NAALADL2: variants seen among roughly 807,000 people sequenced by gnomAD.
NAALADL2 encodes N-acetylated alpha-linked acidic dipeptidase like 2.
A neutral mutation model predicts 87.2 loss-of-function variants in NAALADL2; 76 were observed. The observed-to-expected ratio is 0.87, with a 90% CI of 0.72 to 1.05. The LOEUF is 1.05. Ranked by LOEUF, NAALADL2 falls within the 50% of genes least tolerant of loss-of-function variation. The probability of loss-of-function intolerance (pLI) is 0.00; values close to 1 mark genes in which losing one functional copy is unlikely to be tolerated. For missense variants in NAALADL2, 1,089 were observed against 945.8 expected (o/e 1.15, Z -1.99); for synonymous variants, 354 against 331.0 (o/e 1.07, Z -0.75).
chr3:174,852,509 A>G (rs1490246035), intron 3 of NAALADL2, among the ~76,000 whole-genome samples: 2 of 152,178 alleles, frequency 1.3e-5, no homozygotes, highest in African/African-American at 4.8e-5. Context: ...ACTTAACCAA[A>G]TAAGTGAAAT....
rs114904107 is a variant in NAALADL2, at chr3:174,695,233, G to A, written c.-114-42408G>A. ...AGACAGTCCTTAGTTATCATGTGTCGAGAGTCTATGTTAGAATTTTATGTA... is the reference window on the plus strand; with the variant it reads ...AGACAGTCCTTAGTTATCATGTGTCAAGAGTCTATGTTAGAATTTTATGTA... On this transcript the variant is annotated intron_variant, in intron 2 of 3. Transcript: ENST00000434257. Among the ~76,000 whole-genome samples, 802 of 152,020 alleles carry A rather than the reference G, an allele frequency of 5.3e-3. 5 individuals are homozygous for A. Among genetic ancestry groups the A allele is most frequent in the African/African-American group, 0.018 (742 of 41,512 alleles).
chr3:175,656,737 G>A (rs1731520680), intron 11 of NAALADL2, among the ~76,000 whole-genome samples: 2 of 150,876 alleles, frequency 1.3e-5, no homozygotes, highest in Admixed American at 6.6e-5. Flanking sequence ...GTGTGTGTGT[G>A]TATGTGTGTG....
chr3:175,662,491 A>T (rs1280810972), intron 11 of NAALADL2, among the ~76,000 whole-genome samples: 1 of 151,728 alleles, frequency 6.6e-6, no homozygotes, highest in Non-Finnish European at 1.5e-5. Context: ...TCTTTTTCTT[A>T]CCTAATTGCC....
intron 1 of NAALADL2, among the ~76,000 whole-genome samples, chr3:175,056,799 G>T (rs992028425): frequency 1.3e-5 from 2 of 152,204 alleles, no homozygotes; most frequent in Non-Finnish European, 2.9e-5. Flanking sequence ...ATATCCTTAA[G>T]GCACAGATCA....
chr3:175,429,736 A>C (rs1224817527), intron 5 of NAALADL2, among the ~76,000 whole-genome samples: 3 of 152,038 alleles, frequency 2.0e-5, no homozygotes, highest in African/African-American at 7.2e-5. Flanking sequence ...GAATACTATT[A>C]GAATTATGGA....
intron 2 of NAALADL2, among the ~76,000 whole-genome samples, chr3:174,592,252 TTTG>T (rs1305223304): frequency 6.6e-6 from 1 of 151,962 alleles, no homozygotes; most frequent in African/African-American, 2.4e-5. Flanking sequence ...CTTTTTTTAT[TTTG>T]TTATTATTAT....
At chr3:175,498,172 G>A (rs1421917814) in intron 9 of NAALADL2, among the ~76,000 whole-genome samples, 2 of 151,980 alleles carry the variant, frequency 1.3e-5, no homozygotes, top group Non-Finnish European at 2.9e-5. Flanking sequence ...GAATAAAAAC[G>A]AATGAAAGAA....
At chr3:175,337,573 C>A (rs1300798643) in intron 5 of NAALADL2, among the ~76,000 whole-genome samples, 1 of 151,984 alleles carries the variant, frequency 6.6e-6, no homozygotes, top group African/African-American at 2.4e-5. Flanking sequence ...CAGGAGAGAG[C>A]CCCAGAAAGA....
chr3:174,580,305 C>T (rs919173642), intron 2 of NAALADL2, among the ~76,000 whole-genome samples: 4 of 151,894 alleles, frequency 2.6e-5, no homozygotes, highest in African/African-American at 9.7e-5. Flanking sequence ...TGCTGTTGCT[C>T]TCATAATTAT....
chr3:175,713,492 G>A (rs1380526646), intron 11 of NAALADL2, among the ~76,000 whole-genome samples: 1 of 151,988 alleles, frequency 6.6e-6, no homozygotes, highest in Non-Finnish European at 1.5e-5. Context: ...TAGTGTGTCT[G>A]GGGAATTGGC....
At chr3:174,501,414 C>T (rs528947846) in intron 1 of NAALADL2, among the ~76,000 whole-genome samples, 60 of 152,232 alleles carry the variant, frequency 3.9e-4, no homozygotes, top group Non-Finnish European at 7.4e-4. Context: ...TAGGTTAATG[C>T]TGGCCACATA....
At chr3:175,459,010 C>A (rs73884413) in intron 6 of NAALADL2, among the ~76,000 whole-genome samples, 2,147 of 152,006 alleles carry the variant, frequency 0.014, 39 homozygotes, top group African/African-American at 0.048. Flanking sequence ...ACACATGTGC[C>A]CACACACACA....
At chr3:175,605,643 T>TATTTTTTTTTG (rs1553931374) in intron 10 of NAALADL2, among the ~76,000 whole-genome samples, 16 of 94,606 alleles carry the variant, frequency 1.7e-4, no homozygotes, top group African/African-American at 5.8e-4. Context: ...ATTGCTTGTT[T>TATTTTTTTTTG]TTTTTTTTTT....
intron 2 of NAALADL2, among the ~76,000 whole-genome samples, chr3:174,701,822 C>T (rs558268761): frequency 6.6e-6 from 1 of 152,150 alleles, no homozygotes; most frequent in Admixed American, 6.5e-5. Context: ...GGTATATCAC[C>T]ATTTGTTTAT....
intron 9 of NAALADL2, among the ~76,000 whole-genome samples, chr3:175,520,353 C>T (rs1732464614): frequency 7.4e-6 from 1 of 134,588 alleles, no homozygotes; most frequent in South Asian, 2.3e-4. Flanking sequence ...CTGCGGACTG[C>T]AGTGGTGCAA....
At chr3:175,367,103 T>G (rs921256879) in intron 5 of NAALADL2, among the ~76,000 whole-genome samples, 5 of 151,236 alleles carry the variant, frequency 3.3e-5, no homozygotes, top group Non-Finnish European at 5.9e-5. Context: ...CCAGCACCAT[T>G]TATTAAATAG....
chr3:175,225,365 A>G (rs531901020), intron 2 of NAALADL2, among the ~76,000 whole-genome samples: 3 of 152,266 alleles, frequency 2.0e-5, no homozygotes, highest in South Asian at 4.1e-4. Flanking sequence ...AGTAAAAAAT[A>G]TTTCCTGAAC....
chr3:174,586,238 G>A (rs1164019417), intron 2 of NAALADL2, among the ~76,000 whole-genome samples: 1 of 152,200 alleles, frequency 6.6e-6, no homozygotes, highest in South Asian at 2.1e-4. Flanking sequence ...CTTTAGAGAT[G>A]GTATTCAGTT....
intron 1 of NAALADL2, among the ~76,000 whole-genome samples, chr3:174,924,227 A>G (rs1453268966): frequency 1.0e-5 from 1 of 96,630 alleles, no homozygotes; most frequent in Non-Finnish European, 1.9e-5. Flanking sequence ...CCACCCCACA[A>G]CAGGCCCCGG....
Sources: gnomAD v4.1 joint callset for allele counts (sites outside exome capture counted in the v4.1 genomes callset) on GRCh38, gnomAD v4.1.1 for gene constraint, MANE v1.5 for transcripts, NCBI Gene and HGNC (gene_info 2026-07-23, HGNC 2026-07-21) for gene names.